The following SYT10 variants were observed in gnomAD, a reference collection of about 807,000 sequenced individuals.
SYT10 encodes synaptotagmin 10, also known as synaptotagmin-10.
SYT10 carries 31 observed loss-of-function variants against 51.1 expected under a neutral mutation model. The ratio of observed to expected loss-of-function variants is 0.61; its 90% CI spans 0.46 to 0.82. SYT10 has a LOEUF of 0.82. Ranked by LOEUF, SYT10 falls within the 40% of genes least tolerant of loss-of-function variation. SYT10 has a pLI of 0.00. For synonymous variants in SYT10, 233 were observed against 225.9 expected, an observed-to-expected ratio of 1.03 and a Z score of -0.28; for missense variants, 603 against 634.0, an observed-to-expected ratio of 0.95 and a Z score of 0.53.
At chr12:33,416,672 T>A (rs1362049549) in intron 2 of SYT10, among the ~76,000 whole-genome samples, 3 of 152,146 alleles carry the variant, frequency 2.0e-5, no homozygotes, top group Non-Finnish European at 4.4e-5. Flanking sequence ...ATAGCCAGAT[T>A]TTGTCATCAT....
chr12:33,400,428 C>T (rs1366095609), intron 3 of SYT10, among the ~76,000 whole-genome samples: 1 of 152,052 alleles, frequency 6.6e-6, no homozygotes, highest in African/African-American at 2.4e-5. Flanking sequence ...TGTACTTGTC[C>T]TGTCAAGGTG....
intron 6 of SYT10, among the ~76,000 whole-genome samples, chr12:33,377,629 C>CTT (rs375275079): frequency 0.38 from 43,292 of 113,078 alleles, 7,767 homozygotes; most frequent in East Asian, 0.7. Flanking sequence ...TTTTCTTTTT[C>CTT]TTTTTTTTTT....
chr12:33,380,231 T>C (rs890623006), intron 5 of SYT10, among the ~76,000 whole-genome samples: 1 of 152,172 alleles, frequency 6.6e-6, no homozygotes, highest in Admixed American at 6.6e-5. Context: ...AAAAATGGCA[T>C]GAATGAGAAA....
At chr12:33,405,015 G>A (rs1002157273) in intron 3 of SYT10, 1 of 149,758 alleles carries the variant, frequency 6.7e-6, no homozygotes, top group African/African-American at 2.5e-5. Context: ...ACGTATGAAT[G>A]TTTAAAAAAA....
intron 3 of SYT10, among the ~76,000 whole-genome samples, chr12:33,398,268 C>T (rs1347260500): frequency 2.0e-5 from 3 of 152,108 alleles, no homozygotes; most frequent in Non-Finnish European, 4.4e-5. Flanking sequence ...AATCCCAGCA[C>T]TTTGGGAGGC....
At chr12:33,381,884 C>T (rs56764705) in intron 5 of SYT10, among the ~76,000 whole-genome samples, 1 of 152,118 alleles carries the variant, frequency 6.6e-6, no homozygotes. Context: ...CACTCTTACT[C>T]CTCGTTGTTC....
chr12:33,410,689 C>G (rs1403670511), intron 2 of SYT10, among the ~76,000 whole-genome samples: 2 of 151,792 alleles, frequency 1.3e-5, no homozygotes, highest in African/African-American at 4.8e-5. Context: ...TGTGCTGTCA[C>G]AGAGAATTAT....
At chr12:33,424,933 GAA>G (rs1003245003) in intron 2 of SYT10, among the ~76,000 whole-genome samples, 1 of 152,076 alleles carries the variant, frequency 6.6e-6, no homozygotes. Context: ...AGTGTAACAT[GAA>G]AAAGACACTT....
chr12:33,402,135 G>C (rs1344170062), intron 3 of SYT10, among the ~76,000 whole-genome samples: 2 of 152,032 alleles, frequency 1.3e-5, no homozygotes, highest in Non-Finnish European at 2.9e-5. Context: ...TTGTACACGT[G>C]GGTTGCCATA....
intron 2 of SYT10, among the ~76,000 whole-genome samples, chr12:33,421,889 T>A (rs910557117): frequency 1.2e-4 from 18 of 152,094 alleles, no homozygotes; most frequent in Non-Finnish European, 7.4e-5. Context: ...GAAAGCAGCA[T>A]GAACAAAAGC....
intron 1 of SYT10, among the ~76,000 whole-genome samples, chr12:33,428,210 A>G (rs1866568030): frequency 1.3e-5 from 2 of 152,250 alleles, no homozygotes; most frequent in Non-Finnish European, 2.9e-5. Flanking sequence ...ACTTATGGTC[A>G]TGCAAGTAGA....
intron 1 of SYT10, chr12:33,432,894 C>G (rs146907206): frequency 1.3e-5 from 2 of 152,030 alleles, no homozygotes; most frequent in Non-Finnish European, 2.9e-5. Context: ...CCTTCTGGCT[C>G]CAAGCCCATT....
chr12:33,394,957 G>A (rs746717652), intron 3 of SYT10, among the ~76,000 whole-genome samples: 5 of 152,110 alleles, frequency 3.3e-5, no homozygotes, highest in Non-Finnish European at 7.4e-5. Flanking sequence ...GCGTGGTGGT[G>A]GGTGCCTGTA....
At chr12:33,431,739 T>A (rs1050174800) in intron 1 of SYT10, among the ~76,000 whole-genome samples, 1 of 152,190 alleles carries the variant, frequency 6.6e-6, no homozygotes, top group African/African-American at 2.4e-5. Context: ...ATAGAATAAG[T>A]CCAAGTGGCT....
chr12:33,393,269 C>A (rs1866226132), intron 3 of SYT10, among the ~76,000 whole-genome samples: 2 of 152,074 alleles, frequency 1.3e-5, no homozygotes, highest in Non-Finnish European at 2.9e-5. Context: ...AAAAAGGATA[C>A]AAATTTCATA....
chr12:33,404,765 TATTTCTAACCAAACTGTAAAAG>T (rs1259116676), intron 3 of SYT10: 4 of 152,174 alleles, frequency 2.6e-5, no homozygotes, highest in Admixed American at 6.5e-5. Context: ...AACCAAACTG[TATTTCTAACCAAACTGTAAAAG>T]ATTTCTAACC....
At chr12:33,439,324 C>T in intron 1 of SYT10, 48 bp downstream of exon 1, 2 of 1,574,732 alleles carry the variant, frequency 1.3e-6, no homozygotes, top group African/African-American at 1.3e-5. Flanking sequence ...GCCTAGCGCG[C>T]GGGGTCCCAG....
chr12:33,406,869 C>G lies in SYT10; in HGVS notation c.997G>C (p.Val333Leu), dbSNP rs1451620177. 1 of 1,614,074 alleles carries G rather than the reference C, an allele frequency of 6.2e-7. No individual in the cohort carries two copies. The highest frequency in any genetic ancestry group is 1.1e-5 in the South Asian group (1 of 91,086). ...RFSRHDMIGE[V>L]ILDNLFEVSD... The stretch of plus-strand genomic sequence containing the variant: ...ACTTCAAACAAATTATCAAGAATCA[C>G]TTCCCCAATCATGTCATGTCTAGAA... The change falls in exon 3 of 7, where the codon GTG becomes CTG. Residue 333 changes from valine to leucine, a missense_variant. By Grantham distance (32) the Val-to-Leu change is conservative. Coordinates refer to ENST00000228567, the MANE Select transcript of SYT10 (RefSeq NM_198992.4).
At chr12:33,427,088 A>G (rs1449900698) in intron 1 of SYT10, among the ~76,000 whole-genome samples, 1 of 152,132 alleles carries the variant, frequency 6.6e-6, no homozygotes, top group Non-Finnish European at 1.5e-5. Flanking sequence ...AAATTAATTA[A>G]TGAATTGTGC....
Sources: allele counts gnomAD v4.1 joint callset (sites outside exome capture counted in the v4.1 genomes callset), GRCh38; gene constraint gnomAD v4.1.1; transcripts MANE v1.5; gene names NCBI Gene and HGNC (gene_info 2026-07-23, HGNC 2026-07-21).